Variants in ARID5B observed in about 807,000 individuals in gnomAD.
ARID5B encodes AT-rich interaction domain 5B, also known as AT-rich interactive domain-containing protein 5B.
In ARID5B, 13 loss-of-function variants were observed where a neutral mutation model predicts 97.2. The ratio of observed to expected loss-of-function variants is 0.13; its 90% CI spans 0.09 to 0.21. ARID5B has a LOEUF of 0.21. Among genes scored for constraint, ARID5B ranks in the 10% least tolerant of loss-of-function variants. The pLI, the probability that ARID5B is intolerant of heterozygous loss-of-function variation, is 1.00. For missense variants in ARID5B, 1,210 were observed against 1,465.3 expected (o/e 0.83, Z 2.84); for synonymous variants, 556 against 570.3 (o/e 0.97, Z 0.36).
At chr10:62,076,000 C>G (rs1170667309) in intron 8 of ARID5B, among the ~76,000 whole-genome samples, 2 of 152,170 alleles carry the variant, frequency 1.3e-5, no homozygotes, top group Admixed American at 6.5e-5. Context: ...ACATATAAAG[C>G]AAAGAGTTGA....
intron 2 of ARID5B, among the ~76,000 whole-genome samples, chr10:61,928,814 A>G (rs907075880): frequency 1.8e-4 from 28 of 152,182 alleles, no homozygotes; most frequent in African/African-American, 6.5e-4. Context: ...AGTGGCAACT[A>G]CTTATCTGTA....
intron 3 of ARID5B, among the ~76,000 whole-genome samples, chr10:61,967,719 G>C (rs1438311158): frequency 6.6e-6 from 1 of 152,152 alleles, no homozygotes; most frequent in Non-Finnish European, 1.5e-5. Context: ...TGTAGACACA[G>C]CCTCCAAAAA....
In ARID5B at chr10:61,940,163, T is replaced by C. The variant is rs1844374944; in HGVS notation, c.277-20T>C. ...ACCTATAAATAACGTTTTTTGTTCTTCCCCAACCACCTCTTGTAGGATGAA... is the reference window on the plus strand; with the variant it reads ...ACCTATAAATAACGTTTTTTGTTCTCCCCCAACCACCTCTTGTAGGATGAA... On this transcript the variant is annotated intron_variant, in intron 2 of 9. Coordinates refer to ENST00000279873, the MANE Select transcript of ARID5B (RefSeq NM_032199.3). 1 of 1,612,400 alleles carries C rather than the reference T, an allele frequency of 6.2e-7. No homozygotes were observed. Among genetic ancestry groups the C allele is most frequent in the East Asian group, 2.2e-5 (1 of 44,876 alleles).
intron 3 of ARID5B, among the ~76,000 whole-genome samples, chr10:61,952,892 G>A (rs1838342238): frequency 6.6e-6 from 1 of 151,848 alleles, no homozygotes; most frequent in African/African-American, 2.4e-5. Flanking sequence ...TCTTAATAGT[G>A]GTACATATTA....
intron 2 of ARID5B, among the ~76,000 whole-genome samples, chr10:61,932,077 T>A (rs541727341): frequency 6.6e-6 from 1 of 152,292 alleles, no homozygotes; most frequent in African/African-American, 2.4e-5. Flanking sequence ...TAATGCAGGT[T>A]TGGTTTCAGA....
Position 62,050,922 on chromosome 10 carries a change from A to G in ARID5B, c.768A>G (p.Lys256=), listed in dbSNP as rs777877292. Residue 256 remains lysine (K), a synonymous_variant, in exon 5 of 10, where the codon AAA becomes AAG. Transcript: ENST00000279873. ...TTAAAGGCAGACCACGCAAAAAGAA[A>G]CCATGCCCACAAAGAAGAGATTCAT... is the stretch of plus-strand genomic sequence containing the variant. ...PNLKGRPRKK[K]PCPQRRDSFS... 1.2e-6 allele frequency: 2 copies of G among 1,614,176 alleles called. No individual in the cohort carries two copies. Among genetic ancestry groups the G allele is most frequent in the East Asian group, 2.2e-5 (1 of 44,884 alleles).
At chr10:61,943,019 G>A (rs761952467) in intron 3 of ARID5B, among the ~76,000 whole-genome samples, 1 of 152,140 alleles carries the variant, frequency 6.6e-6, no homozygotes, top group Admixed American at 6.5e-5. Flanking sequence ...TTAGGGCCTT[G>A]AAATTCTACT....
At chr10:62,051,570 A>G (rs1428909037) in intron 5 of ARID5B, among the ~76,000 whole-genome samples, 1 of 152,260 alleles carries the variant, frequency 6.6e-6, no homozygotes, top group Non-Finnish European at 1.5e-5. Context: ...CTCTGTTAAC[A>G]TAGAATGAAA....
chr10:61,987,917 G>T (rs775610839), intron 3 of ARID5B, among the ~76,000 whole-genome samples: 1 of 152,202 alleles, frequency 6.6e-6, no homozygotes, highest in Non-Finnish European at 1.5e-5. Context: ...TGAGAAAAGA[G>T]AGGTAGGTTT....
intron 2 of ARID5B, among the ~76,000 whole-genome samples, chr10:61,917,834 A>G (rs1250166172): frequency 6.6e-6 from 1 of 152,200 alleles, no homozygotes; most frequent in Non-Finnish European, 1.5e-5. Context: ...TGCAAGAAGA[A>G]GAGCTTGGCT....
intron 3 of ARID5B, among the ~76,000 whole-genome samples, chr10:61,945,482 C>T (rs2132803996): frequency 6.6e-6 from 1 of 152,210 alleles, no homozygotes; most frequent in East Asian, 1.9e-4. Flanking sequence ...CCAAATGGCT[C>T]AAAGTAGGTT....
chr10:61,925,669 G>C (rs969028050), intron 2 of ARID5B, among the ~76,000 whole-genome samples: 4 of 152,188 alleles, frequency 2.6e-5, no homozygotes, highest in African/African-American at 9.7e-5. Flanking sequence ...GTAAGCCCAA[G>C]AGGAAAGAAA....
At chr10:61,950,255 C>T (rs1283939843) in intron 3 of ARID5B, among the ~76,000 whole-genome samples, 1 of 152,212 alleles carries the variant, frequency 6.6e-6, no homozygotes, top group Non-Finnish European at 1.5e-5. Context: ...ATCTGCCCGC[C>T]TCAGCTTCCC....
In ARID5B at chr10:62,027,285, C is replaced by CTTTTTTT. The variant is rs777291593; in HGVS notation, c.734-23568_734-23562dup. ...TGATGCATTAGCCTCACAGTATCTC[C>CTTTTTTT]TTTTTTTTTTTTTTTTTTTTTTTTT... On this transcript the variant is annotated intron_variant, in intron 4 of 9. Coordinates refer to ENST00000279873, the MANE Select transcript of ARID5B (RefSeq NM_032199.3). 1.5e-4 allele frequency among the ~76,000 whole-genome samples: 10 copies of CTTTTTTT among 67,406 alleles called. 1 individual carries two copies. Among genetic ancestry groups the CTTTTTTT allele is most frequent in the African/African-American group, 1.7e-4 (3 of 17,408 alleles). 44.2% of individuals were successfully genotyped at this position (67,406 alleles called of 152,430 possible).
At chr10:62,009,475 T>C (rs1052187213) in intron 4 of ARID5B, among the ~76,000 whole-genome samples, 1 of 152,162 alleles carries the variant, frequency 6.6e-6, no homozygotes, top group African/African-American at 2.4e-5. Flanking sequence ...ACAAATGTTC[T>C]TTGTAATCCT....
intron 4 of ARID5B, among the ~76,000 whole-genome samples, chr10:62,049,805 A>G (rs1564636755): frequency 6.6e-6 from 1 of 152,246 alleles, no homozygotes; most frequent in Non-Finnish European, 1.5e-5. Context: ...TAACTGCCTA[A>G]GTAAGATTAA....
At chr10:61,996,895 A>AATATAT (rs367939798) in intron 3 of ARID5B, among the ~76,000 whole-genome samples, 2 of 146,152 alleles carry the variant, frequency 1.4e-5, no homozygotes, top group East Asian at 4.0e-4. Flanking sequence ...GAAAAAAAAA[A>AATATAT]ATATATATAT....
chr10:61,926,016 G>C (rs1844099289), intron 2 of ARID5B, among the ~76,000 whole-genome samples: 1 of 152,188 alleles, frequency 6.6e-6, no homozygotes, highest in African/African-American at 2.4e-5. Context: ...GGAGGGGCTA[G>C]CTTGGGAAAT....
intron 4 of ARID5B, among the ~76,000 whole-genome samples, chr10:62,008,127 A>G (rs2132876242): frequency 6.8e-6 from 1 of 148,062 alleles, no homozygotes; most frequent in African/African-American, 2.5e-5. Flanking sequence ...GTAAATGTAT[A>G]TAGGGATTTT....
Sources: gnomAD v4.1 joint callset for allele counts (sites outside exome capture counted in the v4.1 genomes callset) on GRCh38, gnomAD v4.1.1 for gene constraint, MANE v1.5 for transcripts, NCBI Gene and HGNC (gene_info 2026-07-23, HGNC 2026-07-21) for gene names.